ARB2A: variants seen among roughly 807,000 people sequenced by gnomAD.
The protein encoded by ARB2A is ARB2 cotranscriptional regulator A.
At chr5:93,952,943 A>G in the ARB2A span, among the ~76,000 whole-genome samples, 1 of 152,174 alleles carries the variant, frequency 6.6e-6, no homozygotes, top group East Asian at 1.9e-4. Context: ...AAAAACACAC[A>G]TTCTTCAGTC....
the ARB2A span, among the ~76,000 whole-genome samples, chr5:94,021,642 A>C: frequency 6.6e-6 from 1 of 152,312 alleles, no homozygotes; most frequent in Middle Eastern, 3.4e-3. Flanking sequence ...GGACAATAAG[A>C]AACTGGACTA....
the ARB2A span, among the ~76,000 whole-genome samples, chr5:93,901,235 C>T: frequency 6.6e-6 from 1 of 152,080 alleles, no homozygotes; most frequent in African/African-American, 2.4e-5. Flanking sequence ...AAATAATGTG[C>T]AGTCAAAAAG....
At chr5:93,784,444 T>G in the ARB2A span, 1 of 1,613,498 alleles carries the variant, frequency 6.2e-7, no homozygotes, top group Non-Finnish European at 8.5e-7. Context: ...GTGAACAGAG[T>G]CTGTCAATGC....
At chr5:93,981,171 G>A in the ARB2A span, among the ~76,000 whole-genome samples, 5 of 150,936 alleles carry the variant, frequency 3.3e-5, no homozygotes, top group South Asian at 1.0e-3. Context: ...GGGCACAAAT[G>A]ATCCTCCCAC....
At chr5:93,941,825 G>C in the ARB2A span, among the ~76,000 whole-genome samples, 2 of 152,128 alleles carry the variant, frequency 1.3e-5, no homozygotes, top group African/African-American at 4.8e-5. Flanking sequence ...AGGCATAAGA[G>C]ACCTTGTAAT....
the ARB2A span, among the ~76,000 whole-genome samples, chr5:93,918,719 G>A: frequency 2.6e-5 from 4 of 152,110 alleles, no homozygotes; most frequent in Admixed American, 2.0e-4. Flanking sequence ...ACTGCGCCTA[G>A]CCCCAAATTT....
chr5:93,836,195 T>G, the ARB2A span, among the ~76,000 whole-genome samples: 1 of 152,122 alleles, frequency 6.6e-6, no homozygotes, highest in South Asian at 2.1e-4. Context: ...GCCCGGCTAA[T>G]TTTTTGTGTT....
chr5:93,645,858 T>C, the ARB2A span, among the ~76,000 whole-genome samples: 3 of 152,142 alleles, frequency 2.0e-5, no homozygotes, highest in African/African-American at 7.2e-5. Context: ...TCAGAAGAAA[T>C]ATGTAACTAA....
the ARB2A span, among the ~76,000 whole-genome samples, chr5:93,982,589 T>G: frequency 6.6e-6 from 1 of 152,188 alleles, no homozygotes; most frequent in Non-Finnish European, 1.5e-5. Flanking sequence ...GTGACTTTGT[T>G]GCTGTATGAA....
the ARB2A span, chr5:93,739,662 G>A: frequency 5.9e-5 from 9 of 152,168 alleles, no homozygotes; most frequent in Admixed American, 5.9e-4. Context: ...ACCAATTTCA[G>A]AGATGAAATT....
the ARB2A span, chr5:94,050,647 G>C: frequency 1.0e-6 from 1 of 959,286 alleles, no homozygotes; most frequent in Non-Finnish European, 1.6e-6. Flanking sequence ...TAGAAAGAGT[G>C]CATAAACTGC....
At chr5:93,721,252 G>A in the ARB2A span, among the ~76,000 whole-genome samples, 1 of 152,100 alleles carries the variant, frequency 6.6e-6, no homozygotes, top group African/African-American at 2.4e-5. Flanking sequence ...GTAATAGCTG[G>A]AAACCATAAG....
At chr5:93,874,326 T>A in the ARB2A span, among the ~76,000 whole-genome samples, 1 of 152,138 alleles carries the variant, frequency 6.6e-6, no homozygotes, top group African/African-American at 2.4e-5. Flanking sequence ...TGAGGTGACT[T>A]AGACTGGGGC....
chr5:94,026,005 G>T, the ARB2A span, among the ~76,000 whole-genome samples: 1 of 152,214 alleles, frequency 6.6e-6, no homozygotes, highest in African/African-American at 2.4e-5. Flanking sequence ...CGGGCTCCAT[G>T]TGGGGCCTGC....
At chr5:93,638,570 T>C in the ARB2A span, among the ~76,000 whole-genome samples, 26,805 of 151,918 alleles carry the variant, frequency 0.18, 3,119 homozygotes, top group African/African-American at 0.32. Context: ...CCCAGCACTT[T>C]GGGAGGCTGA....
chr5:93,946,618 A>G, the ARB2A span, among the ~76,000 whole-genome samples: 12 of 152,188 alleles, frequency 7.9e-5, no homozygotes, highest in African/African-American at 2.7e-4. Context: ...CAGAACTATA[A>G]TTTTAAAATA....
the ARB2A span, among the ~76,000 whole-genome samples, chr5:94,081,473 G>A: frequency 6.6e-6 from 1 of 151,926 alleles, no homozygotes; most frequent in Non-Finnish European, 1.5e-5. Flanking sequence ...AACAAAATAT[G>A]GTATATCCAT....
chr5:93,749,764 T>C, the ARB2A span, among the ~76,000 whole-genome samples: 7 of 152,220 alleles, frequency 4.6e-5, no homozygotes, highest in South Asian at 1.2e-3. Context: ...GTTTGTAATA[T>C]CTAGAGTAAA....
At chr5:93,815,730 T>A in the ARB2A span, among the ~76,000 whole-genome samples, 1 of 152,032 alleles carries the variant, frequency 6.6e-6, no homozygotes, top group Non-Finnish European at 1.5e-5. Context: ...TATAAAGGAG[T>A]GAGGTGGGAT....
Sources: allele counts gnomAD v4.1 joint callset (sites outside exome capture counted in the v4.1 genomes callset), GRCh38; gene constraint gnomAD v4.1.1; transcripts MANE v1.5; gene names NCBI Gene and HGNC (gene_info 2026-07-23, HGNC 2026-07-21).